ARHGEF7: variants seen among roughly 807,000 people sequenced by gnomAD.
The protein encoded by ARHGEF7 is Rho guanine nucleotide exchange factor 7.
Under a neutral mutation model 109.8 loss-of-function variants are expected in ARHGEF7, and 33 were observed. That is an observed-to-expected ratio of 0.30 (90% CI 0.23 to 0.40). The LOEUF (loss-of-function observed/expected upper bound fraction) is 0.40, where lower values mean the gene tolerates loss of function less well. Among genes scored for constraint, ARHGEF7 ranks in the 10% least tolerant of loss-of-function variants. The probability of loss-of-function intolerance (pLI) is 1.00; values close to 1 mark genes in which losing one functional copy is unlikely to be tolerated. For synonymous variants in ARHGEF7, 458 were observed against 424.6 expected (o/e 1.08, Z -0.97); for missense variants, 938 against 1,098.5 (o/e 0.85, Z 2.07).
chr13:111,147,908 G>A (rs1380946105), intron 1 of ARHGEF7, among the ~76,000 whole-genome samples: 5 of 151,702 alleles, frequency 3.3e-5, no homozygotes, highest in Admixed American at 6.6e-5. Context: ...CGTTTTAGCC[G>A]GGATGGTCTC....
At position 111,266,324 on chromosome 13, in the gene ARHGEF7, G is replaced by A. The variant is rs1038597438; in HGVS notation, c.951-1224G>A. The stretch of plus-strand genomic sequence containing the variant: ...GAGCTCTTCGCATCCTTGTTTCTGG[G>A]CTTCTGAATGACTCTGCTGTTGTCT... On this transcript the variant is annotated intron_variant, in intron 8 of 21. Coordinates refer to ENST00000646102, the MANE Select transcript of ARHGEF7 (RefSeq NM_001354046.2). This position sits in a 1 kb window ranked among gnomAD's most constrained non-coding sequence, Gnocchi z 4.8. 1.3e-5 allele frequency among the ~76,000 whole-genome samples: 2 copies of A among 152,044 alleles called. No individual in the cohort carries two copies. The highest frequency in any genetic ancestry group is 4.8e-5 in the African/African-American group (2 of 41,390).
intron 13 of ARHGEF7, among the ~76,000 whole-genome samples, chr13:111,279,541 C>T (rs773009726): frequency 1.3e-5 from 2 of 152,244 alleles, no homozygotes; most frequent in Non-Finnish European, 2.9e-5. Context: ...GGCAGCGCTG[C>T]CCAGACGCCC....
intron 2 of ARHGEF7, among the ~76,000 whole-genome samples, chr13:111,187,867 A>G (rs1172809424): frequency 6.6e-6 from 1 of 152,212 alleles, no homozygotes; most frequent in Non-Finnish European, 1.5e-5. Context: ...AGGTGTGGTC[A>G]CTCAGCTGGA....
At chr13:111,155,079 A>G (rs768135133) in intron 2 of ARHGEF7, among the ~76,000 whole-genome samples, 1 of 152,254 alleles carries the variant, frequency 6.6e-6, no homozygotes, top group Admixed American at 6.5e-5. Context: ...TAGGTAGTGT[A>G]TGAAACCTAG....
chr13:111,284,254 A>C (rs2092921529), intron 16 of ARHGEF7, among the ~76,000 whole-genome samples: 1 of 152,196 alleles, frequency 6.6e-6, no homozygotes, highest in South Asian at 2.1e-4. Flanking sequence ...GGTCAAGGCC[A>C]CATTTGCCAA....
chr13:111,132,165 AG>A (rs2074790446), intron 1 of ARHGEF7, among the ~76,000 whole-genome samples: 1 of 152,204 alleles, frequency 6.6e-6, no homozygotes, highest in African/African-American at 2.4e-5. Flanking sequence ...CAACCGCTTT[AG>A]GGGAGAATGT....
At chr13:111,154,062 C>A in intron 2 of ARHGEF7, 71 bp downstream of exon 2, 1 of 1,438,228 alleles carries the variant, frequency 7.0e-7, no homozygotes, top group Non-Finnish European at 9.2e-7. Flanking sequence ...GGGTGCTTCG[C>A]TCCAGCCGGA....
intron 4 of ARHGEF7, among the ~76,000 whole-genome samples, chr13:111,217,286 T>C (rs2083261554): frequency 6.6e-6 from 1 of 152,242 alleles, no homozygotes; most frequent in Admixed American, 6.5e-5. Flanking sequence ...GGAGAGTGGG[T>C]TCCATAATGA....
intron 1 of ARHGEF7, among the ~76,000 whole-genome samples, chr13:111,122,260 G>A (rs550298388): frequency 3.9e-4 from 59 of 152,250 alleles, no homozygotes; most frequent in African/African-American, 1.2e-3. Flanking sequence ...CTCAGGTTTC[G>A]CTTATATAAA....
At chr13:111,264,272 G>A (rs1004083662) in intron 8 of ARHGEF7, among the ~76,000 whole-genome samples, 1 of 152,238 alleles carries the variant, frequency 6.6e-6, no homozygotes, top group African/African-American at 2.4e-5. Flanking sequence ...ACAAATTTCA[G>A]TAGCCTCTAG....
intron 1 of ARHGEF7, among the ~76,000 whole-genome samples, chr13:111,118,074 C>T (rs374943570): frequency 1.8e-4 from 28 of 152,364 alleles, no homozygotes; most frequent in African/African-American, 5.5e-4. Context: ...AGCCAGTGAG[C>T]GGAGGGCAAG....
intron 2 of ARHGEF7, chr13:111,202,973 C>A: frequency 2.7e-6 from 2 of 750,324 alleles, no homozygotes; most frequent in Non-Finnish European, 3.6e-6. Flanking sequence ...CATATTGAAG[C>A]CCATTGGTGG....
rs1240984505 is a variant in ARHGEF7, at chr13:111,239,105, G to A, written c.760-4767G>A. Among the ~76,000 whole-genome samples, 2 of 152,018 alleles carry A rather than the reference G, an allele frequency of 1.3e-5. No individual in the cohort carries two copies. The highest frequency in any genetic ancestry group is 6.5e-5 in the Admixed American group (1 of 15,278). ...GAACTCACCATGAGAACAGCATAGG[G>A]GAACGCGCTGCGTGCCCCTGCTCCC... On this transcript the variant is annotated intron_variant, in intron 6 of 21. Transcript: ENST00000646102. This position sits in a 1 kb window ranked among gnomAD's most constrained non-coding sequence, Gnocchi z 4.3.
At position 111,234,428 on chromosome 13, in the gene ARHGEF7, C is replaced by T. The variant is rs563028324; in HGVS notation, c.759+1135C>T. ...CACTCATTAATAACTGTTTATTGGG[C>T]GCCTGCTCTGTGCAGCTCTGTTAAA... On this transcript the variant is annotated intron_variant, in intron 6 of 21. Coordinates refer to ENST00000646102, the MANE Select transcript of ARHGEF7 (RefSeq NM_001354046.2). 2.6e-5 allele frequency among the ~76,000 whole-genome samples: 4 copies of T among 152,282 alleles called. No homozygotes were observed. In the East Asian group the frequency reaches 5.8e-4, roughly 22 times the overall value.
In ARHGEF7 at chr13:111,117,312, C is replaced by T. The variant is rs141278975; in HGVS notation, c.165+1621C>T. Among the ~76,000 whole-genome samples, 10 of 152,242 alleles carry T rather than the reference C, an allele frequency of 6.6e-5. No homozygotes were observed. In the East Asian group the frequency reaches 1.7e-3, roughly 26 times the overall value. Reference sequence around the variant, plus strand: ...GAAAGATTTTCCTAGAAAACCGTAGCGTTCATTTCATCTCTAAAACAACAA... The same window carrying T: ...GAAAGATTTTCCTAGAAAACCGTAGTGTTCATTTCATCTCTAAAACAACAA... On this transcript the variant is annotated intron_variant, in intron 1 of 21. Coordinates refer to ENST00000646102, the MANE Select transcript of ARHGEF7 (RefSeq NM_001354046.2).
At chr13:111,241,378 A>C in intron 6 of ARHGEF7, 2 of 1,533,730 alleles carry the variant, frequency 1.3e-6, no homozygotes, top group Non-Finnish European at 1.7e-6. Flanking sequence ...CAGGAAGGCC[A>C]GCAACCTCCT....
At chr13:111,166,093 C>T (rs533033640) in intron 2 of ARHGEF7, among the ~76,000 whole-genome samples, 2 of 152,312 alleles carry the variant, frequency 1.3e-5, no homozygotes, top group Admixed American at 1.3e-4. Flanking sequence ...TTGCCCACCA[C>T]CATTAGCCCA....
At chr13:111,249,876 A>G (rs909486858) in intron 8 of ARHGEF7, among the ~76,000 whole-genome samples, 9 of 152,194 alleles carry the variant, frequency 5.9e-5, no homozygotes, top group Admixed American at 2.0e-4. Context: ...GTTCGGCAAC[A>G]AAAGGCAGAC....
chr13:111,145,072 C>T lies in ARHGEF7; in HGVS notation c.166-8833C>T, dbSNP rs1466616913. Among the ~76,000 whole-genome samples, 4 of 151,772 alleles carry T rather than the reference C, an allele frequency of 2.6e-5. No individual in the cohort carries two copies. Among genetic ancestry groups the T allele is most frequent in the East Asian group, 3.9e-4 (2 of 5,180 alleles). On this transcript the variant is annotated intron_variant, in intron 1 of 21. Transcript: ENST00000646102. This position sits in a 1 kb window ranked among gnomAD's most constrained non-coding sequence, Gnocchi z 4.3. ...AAACACAAAAGGTAGATATTATCCA[C>T]GGTGTTCCCCACGTTCCCTACCACA... is the stretch of plus-strand genomic sequence containing the variant.
Sources: allele counts gnomAD v4.1 joint callset (sites outside exome capture counted in the v4.1 genomes callset), GRCh38; gene constraint gnomAD v4.1.1; non-coding constraint Gnocchi (gnomAD v3.1); transcripts MANE v1.5; gene names NCBI Gene and HGNC (gene_info 2026-07-23, HGNC 2026-07-21).